The following CRY1 variants were observed in gnomAD, a reference collection of about 807,000 sequenced individuals.
The protein encoded by CRY1 is cryptochrome-1.
A neutral mutation model predicts 76.0 loss-of-function variants in CRY1; 45 were observed. The observed-to-expected ratio is 0.59, with a 90% CI of 0.47 to 0.76. CRY1 has a LOEUF of 0.76. CRY1 is among the 30% of genes least tolerant of loss of function. The probability of loss-of-function intolerance (pLI) is 0.00; values close to 1 mark genes in which losing one functional copy is unlikely to be tolerated. For synonymous variants in CRY1, 248 were observed against 244.0 expected, an observed-to-expected ratio of 1.02 and a Z score of -0.15; for missense variants, 587 against 716.4, an observed-to-expected ratio of 0.82 and a Z score of 2.06.
At chr12:107,026,284 T>C (rs1321700652) in intron 1 of CRY1, among the ~76,000 whole-genome samples, 1 of 149,992 alleles carries the variant, frequency 6.7e-6, no homozygotes, top group Non-Finnish European at 1.5e-5. Context: ...CAGGCTGGAG[T>C]GCAGTGGCAC....
Position 107,000,063 on chromosome 12 carries a change from T to C in CRY1, c.704A>G (p.Glu235Gly). ...AGAATTCGCATTCATTCGAGGTCTT[T>C]CAAAATTTGCCACCCAAGCCTGAAA... ...LERKAWVANF[E>G]RPRMNANSLL... The change falls in exon 6 of 13, where the codon GAA becomes GGA. Residue 235 changes from glutamate to glycine, a missense_variant. Coordinates refer to ENST00000008527, the MANE Select transcript of CRY1 (RefSeq NM_004075.5). 1 of 1,601,542 alleles carries C rather than the reference T, an allele frequency of 6.2e-7. No individual in the cohort carries two copies. Among genetic ancestry groups the C allele is most frequent in the Non-Finnish European group, 8.5e-7 (1 of 1,176,704 alleles).
intron 2 of CRY1, among the ~76,000 whole-genome samples, chr12:107,009,647 A>C (rs1952421252): frequency 6.8e-6 from 1 of 146,734 alleles, no homozygotes. Context: ...GGTGGCTCAT[A>C]CCTGTAATTC....
At position 107,018,684 on chromosome 12, in the gene CRY1, A is replaced by T. The variant is rs1952522882; in HGVS notation, c.267+3400T>A. On this transcript the variant is annotated intron_variant, in intron 2 of 12. Coordinates refer to ENST00000008527, the MANE Select transcript of CRY1 (RefSeq NM_004075.5). ...GATATTAATTATGCACCTAGTCTCT[A>T]AAACCAATAATTTAAACTCCTTATT... Among the ~76,000 whole-genome samples the T allele has an allele frequency of 2.0e-5, 3 of 152,192 alleles. No individual in the cohort carries two copies. The South Asian group carries it at 6.2e-4, about 31-fold the overall frequency.
chr12:107,068,034 T>C (rs1050040963), intron 1 of CRY1, among the ~76,000 whole-genome samples: 1 of 152,214 alleles, frequency 6.6e-6, no homozygotes, highest in Non-Finnish European at 1.5e-5. Flanking sequence ...TGGTTGCTTA[T>C]ATGTAGCAAG....
chr12:107,020,009 GAC>G (rs887870719), intron 2 of CRY1, among the ~76,000 whole-genome samples: 13 of 151,844 alleles, frequency 8.6e-5, no homozygotes, highest in Admixed American at 5.9e-4. Flanking sequence ...AACAATTATC[GAC>G]ACACACTCTT....
intron 2 of CRY1, among the ~76,000 whole-genome samples, chr12:107,009,601 TAA>T (rs56372800): frequency 0.015 from 266 of 18,282 alleles, 12 homozygotes; most frequent in African/African-American, 0.047. Context: ...TATATATATA[TAA>T]AATCTCTATA....
At chr12:106,996,701 A>G (rs1419091713) in intron 10 of CRY1, among the ~76,000 whole-genome samples, 1 of 152,210 alleles carries the variant, frequency 6.6e-6, no homozygotes, top group Admixed American at 6.5e-5. Context: ...CAAATTACTG[A>G]GCTTCATGCT....
Position 106,997,529 on chromosome 12 carries a change from A to T in CRY1, c.1451T>A (p.Met484Lys). The part of the protein sequence containing the change: ...AEASRLNIER[M>K]KQIYQQLSRY... The stretch of plus-strand genomic sequence containing the variant: ...TGAAAGCTGCTGATAGATCTGTTTC[A>T]TCCTTTCGATATTCAAACGGCTTGC... Residue 484 changes from methionine to lysine, a missense_variant, in exon 9 of 13, where the codon ATG becomes AAG. Coordinates refer to ENST00000008527, the MANE Select transcript of CRY1 (RefSeq NM_004075.5). 6.2e-7 allele frequency: 1 copy of T among 1,614,130 alleles called. No homozygotes were observed. Among genetic ancestry groups the T allele is most frequent in the Non-Finnish European group, 8.5e-7 (1 of 1,180,000 alleles).
intron 2 of CRY1, among the ~76,000 whole-genome samples, chr12:107,018,034 C>T (rs1406988789): frequency 6.6e-6 from 1 of 152,224 alleles, no homozygotes; most frequent in African/African-American, 2.4e-5. Flanking sequence ...TGTTTCACTA[C>T]TGTATCTCCA....
rs78319810 is a variant in CRY1, at chr12:107,077,100, C to T, written c.158+15704G>A. 4.7e-3 allele frequency among the ~76,000 whole-genome samples: 712 copies of T among 152,052 alleles called. 7 individuals carry two copies. Among genetic ancestry groups the T allele is most frequent in the African/African-American group, 0.016 (672 of 41,512 alleles). ...AAGAACGGCCTACTACAGAAGCATT[C>T]TAGAATTCCTCCTCTCTCAGTCTCA... On this transcript the variant is annotated intron_variant, in intron 1 of 12. Transcript: ENST00000008527.
intron 2 of CRY1, among the ~76,000 whole-genome samples, chr12:107,019,902 G>C (rs552815554): frequency 1.3e-5 from 2 of 152,004 alleles, no homozygotes; most frequent in Non-Finnish European, 2.9e-5. Flanking sequence ...CAGGGCAACA[G>C]AGCGAAACCC....
intron 2 of CRY1, among the ~76,000 whole-genome samples, chr12:107,018,497 G>A (rs571113290): frequency 6.6e-6 from 1 of 152,174 alleles, no homozygotes; most frequent in Non-Finnish European, 1.5e-5. Flanking sequence ...TGAGGCACAA[G>A]AATGGCTTGA....
Position 107,075,928 on chromosome 12 carries a change from T to C in CRY1, c.158+16876A>G, listed in dbSNP as rs181751982. ...TACAAAAAGAAGAAAGGGTAGCTCC[T>C]GGGTTTTTGCAGAACTAGGTGAATG... On this transcript the variant is annotated intron_variant, in intron 1 of 12. Coordinates refer to ENST00000008527, the MANE Select transcript of CRY1 (RefSeq NM_004075.5). 1.6e-4 allele frequency among the ~76,000 whole-genome samples: 24 copies of C among 152,270 alleles called. No individual in the cohort carries two copies. In the East Asian group the frequency reaches 4.2e-3, roughly 27 times the overall value.
At chr12:107,005,583 G>GTTT (rs1952364361) in intron 2 of CRY1, among the ~76,000 whole-genome samples, 2 of 152,116 alleles carry the variant, frequency 1.3e-5, no homozygotes, top group South Asian at 4.2e-4. Context: ...AACACTCAGA[G>GTTT]TTTGGCACTT....
chr12:107,084,190 C>A (rs1953364783), intron 1 of CRY1, among the ~76,000 whole-genome samples: 1 of 152,014 alleles, frequency 6.6e-6, no homozygotes, highest in Admixed American at 6.5e-5. Context: ...AGGACACAAA[C>A]AAATGGAAAA....
intron 1 of CRY1, among the ~76,000 whole-genome samples, chr12:107,036,944 C>T (rs988286531): frequency 6.6e-6 from 1 of 152,142 alleles, no homozygotes; most frequent in Non-Finnish European, 1.5e-5. Context: ...AGCCCCCTTC[C>T]TTGCTATCTC....
chr12:107,078,354 T>C (rs1953283199), intron 1 of CRY1, among the ~76,000 whole-genome samples: 1 of 152,118 alleles, frequency 6.6e-6, no homozygotes, highest in Non-Finnish European at 1.5e-5. Flanking sequence ...TTTTCCTACA[T>C]AATTGTCAAA....
intron 1 of CRY1, among the ~76,000 whole-genome samples, chr12:107,023,937 A>C (rs542651004): frequency 6.6e-6 from 1 of 152,338 alleles, no homozygotes; most frequent in African/African-American, 2.4e-5. Flanking sequence ...ATAATTTATC[A>C]TGTCTGGTGA....
At chr12:107,092,755 T>A (rs1953486906) in intron 1 of CRY1, 49 bp downstream of exon 1, 1 of 1,603,950 alleles carries the variant, frequency 6.2e-7, no homozygotes, top group Non-Finnish European at 8.5e-7. Context: ...TTCATTAACA[T>A]CAGACTCATT....
Sources: gnomAD v4.1 joint callset for allele counts (sites outside exome capture counted in the v4.1 genomes callset) on GRCh38, gnomAD v4.1.1 for gene constraint, MANE v1.5 for transcripts, NCBI Gene and HGNC (gene_info 2026-07-23, HGNC 2026-07-21) for gene names.